Variants in ZNF521 observed in about 807,000 individuals in gnomAD.
ZNF521 encodes the protein zinc finger protein 521, also known as LYST-interacting protein 3.
In ZNF521, 14 loss-of-function variants were observed where a neutral mutation model predicts 105.5. The observed-to-expected ratio is 0.13, with a 90% CI of 0.09 to 0.21. The LOEUF (loss-of-function observed/expected upper bound fraction) is 0.21, where lower values mean the gene tolerates loss of function less well. ZNF521 is among the 10% of genes least tolerant of loss of function. The pLI is 1.00. For synonymous variants in ZNF521, 635 were observed against 606.0 expected, an observed-to-expected ratio of 1.05 and a Z score of -0.70; for missense variants, 1,233 against 1,629.7, an observed-to-expected ratio of 0.76 and a Z score of 4.19.
rs113006124 is a variant in ZNF521, at chr18:25,143,350, C to A, written c.3659-51269G>T. 4.1e-4 allele frequency among the ~76,000 whole-genome samples: 63 copies of A among 152,148 alleles called. 1 individual carries two copies. The highest frequency in any genetic ancestry group is 4.1e-3 in the East Asian group (21 of 5,178). On this transcript the variant is annotated intron_variant, in intron 5 of 7. Coordinates refer to ENST00000361524, the MANE Select transcript of ZNF521 (RefSeq NM_015461.3). Reference sequence around the variant, plus strand: ...GGATATAACTACCAATAGTTAGAGTCCTGTTTTTCATGTAGATGTTTGCTT... The same window carrying A: ...GGATATAACTACCAATAGTTAGAGTACTGTTTTTCATGTAGATGTTTGCTT...
intron 3 of ZNF521, among the ~76,000 whole-genome samples, chr18:25,294,698 T>C (rs1392178177): frequency 6.6e-6 from 1 of 151,348 alleles, no homozygotes; most frequent in East Asian, 1.9e-4. Context: ...CCACTAAAAA[T>C]ACAAAAATTA....
intron 5 of ZNF521, among the ~76,000 whole-genome samples, chr18:25,184,762 G>C (rs1341637076): frequency 6.6e-6 from 1 of 152,126 alleles, no homozygotes; most frequent in Non-Finnish European, 1.5e-5. Context: ...CAGCCTCAGA[G>C]AGAGAAAAAC....
intron 3 of ZNF521, among the ~76,000 whole-genome samples, chr18:25,291,129 A>G (rs558533370): frequency 5.9e-5 from 9 of 152,288 alleles, no homozygotes; most frequent in African/African-American, 1.9e-4. Flanking sequence ...ATATAATTGA[A>G]TGATAAGAAA....
chr18:25,321,587 A>C (rs4800629), intron 3 of ZNF521, among the ~76,000 whole-genome samples: 36,809 of 152,118 alleles, frequency 0.24, 5,034 homozygotes, highest in South Asian at 0.36. Context: ...GGAACACAAA[A>C]AAATGTGGCT....
intron 2 of ZNF521, among the ~76,000 whole-genome samples, chr18:25,350,601 C>T (rs1416843881): frequency 1.3e-5 from 2 of 151,054 alleles, no homozygotes; most frequent in Non-Finnish European, 3.0e-5. Flanking sequence ...TTTTTTCCTC[C>T]CTCTCCGGAT....
In ZNF521 at chr18:25,349,056, C is replaced by CT. The variant is rs780383212; in HGVS notation, c.40+1850dup. On this transcript the variant is annotated intron_variant, in intron 2 of 7. Transcript: ENST00000361524. The stretch of plus-strand genomic sequence containing the variant: ...TGCCAATCGTGCAAACTTTAATAAA[C>CT]TTTTTTTTTTTTGAAAAGAAAAATC... Among the ~76,000 whole-genome samples, 947 of 147,726 alleles carry CT rather than the reference C, an allele frequency of 6.4e-3. 8 individuals are homozygous for CT. The highest frequency in any genetic ancestry group is 0.019 in the African/African-American group (754 of 40,596).
At chr18:25,316,661 A>G (rs961257291) in intron 3 of ZNF521, among the ~76,000 whole-genome samples, 9 of 152,122 alleles carry the variant, frequency 5.9e-5, no homozygotes, top group Non-Finnish European at 1.2e-4. Flanking sequence ...AACACCTTCA[A>G]CAAACATGGA....
At chr18:25,324,327 A>G (rs1913090250) in intron 2 of ZNF521, among the ~76,000 whole-genome samples, 1 of 152,086 alleles carries the variant, frequency 6.6e-6, no homozygotes, top group South Asian at 2.1e-4. Flanking sequence ...TACATTTTCC[A>G]AAGCTGATAC....
intron 5 of ZNF521, among the ~76,000 whole-genome samples, chr18:25,180,611 T>C (rs1209467688): frequency 1.3e-5 from 2 of 152,168 alleles, no homozygotes; most frequent in African/African-American, 2.4e-5. Flanking sequence ...AGAAGCAATC[T>C]TTTCATAATG....
At chr18:25,174,101 A>G (rs1164443882) in intron 5 of ZNF521, among the ~76,000 whole-genome samples, 1 of 152,200 alleles carries the variant, frequency 6.6e-6, no homozygotes, top group Non-Finnish European at 1.5e-5. Context: ...AAACAACATC[A>G]CTATTATTGC....
intron 5 of ZNF521, among the ~76,000 whole-genome samples, chr18:25,189,499 G>T (rs148897189): frequency 2.6e-5 from 4 of 152,284 alleles, no homozygotes; most frequent in South Asian, 4.1e-4. Context: ...AGAGCTGCCA[G>T]CTGTACAGCA....
chr18:25,100,280 G>T (rs1161068519), intron 5 of ZNF521, among the ~76,000 whole-genome samples: 1 of 152,074 alleles, frequency 6.6e-6, no homozygotes, highest in African/African-American at 2.4e-5. Context: ...AACAGCTTCT[G>T]CAAATGTTAT....
chr18:25,346,741 G>A (rs938666046), intron 2 of ZNF521, among the ~76,000 whole-genome samples: 3 of 152,206 alleles, frequency 2.0e-5, no homozygotes, highest in Admixed American at 2.0e-4. Flanking sequence ...TACTGTGACG[G>A]CCAAGTTAAA....
At chr18:25,171,674 A>G in intron 5 of ZNF521, among the ~76,000 whole-genome samples, 1 of 152,142 alleles carries the variant, frequency 6.6e-6, no homozygotes, top group East Asian at 1.9e-4. Context: ...ATCTTAACAG[A>G]TGCAATTCTA....
rs1346218731 is a variant in ZNF521, at chr18:25,227,671, T to C, written c.247A>G (p.Thr83Ala). The change falls in exon 4 of 8, where the codon ACT becomes GCT. Residue 83 changes from threonine to alanine, a missense_variant. Thr to Ala is a moderately conservative substitution (Grantham distance 58). Transcript: ENST00000361524. This position sits in a 1 kb window ranked among gnomAD's most constrained non-coding sequence, Gnocchi z 5.7. The stretch of plus-strand genomic sequence containing the variant: ...GGTGAGGAAGCTGGCCAAGAGCAAG[T>C]CGGATCATCTTCAACATCCACTCCA... ...TDGVDVEDDP[T>A]CSWPASSPSS... is the part of the protein sequence containing the mutation. The C allele has an allele frequency of 6.2e-7, 1 of 1,613,308 alleles. No homozygotes were observed. Among genetic ancestry groups the C allele is most frequent in the African/African-American group, 1.3e-5 (1 of 75,018 alleles).
chr18:25,345,366 A>G (rs754089749), intron 2 of ZNF521: 1 of 152,260 alleles, frequency 6.6e-6, no homozygotes, highest in African/African-American at 2.4e-5. Flanking sequence ...ACAAAAAAGA[A>G]AAATTATTAA....
chr18:25,244,341 A>G (rs1222858272), intron 3 of ZNF521, among the ~76,000 whole-genome samples: 1 of 151,850 alleles, frequency 6.6e-6, no homozygotes, highest in African/African-American at 2.4e-5. Context: ...CCCCACATCC[A>G]AAGATCAGAG....
At chr18:25,113,036 G>A (rs909678969) in intron 5 of ZNF521, among the ~76,000 whole-genome samples, 1 of 135,544 alleles carries the variant, frequency 7.4e-6, no homozygotes, top group African/African-American at 2.8e-5. Context: ...TTTCCTCTTT[G>A]CACCATGCTG....
At chr18:25,261,924 C>T (rs1415897014) in intron 3 of ZNF521, among the ~76,000 whole-genome samples, 1 of 152,086 alleles carries the variant, frequency 6.6e-6, no homozygotes, top group East Asian at 1.9e-4. Flanking sequence ...AGAAAAGGAG[C>T]CAGGAGTTTT....
Sources: gnomAD v4.1 joint callset for allele counts (sites outside exome capture counted in the v4.1 genomes callset) on GRCh38, gnomAD v4.1.1 for gene constraint, Gnocchi (gnomAD v3.1) non-coding constraint, MANE v1.5 for transcripts, NCBI Gene and HGNC (gene_info 2026-07-23, HGNC 2026-07-21) for gene names.